The following SFI1 variants were observed in gnomAD, a reference collection of about 807,000 sequenced individuals.
SFI1 encodes protein SFI1 homolog.
SFI1 carries 195 observed loss-of-function variants against 207.5 expected under a neutral mutation model. That is an observed-to-expected ratio of 0.94 (90% confidence interval 0.84 to 1.06). The LOEUF is 1.06. SFI1 is among the 50% of genes least tolerant of loss of function. SFI1 has a pLI of 0.00. For missense variants in SFI1, 1,634 were observed against 1,588.0 expected, an observed-to-expected ratio of 1.03 and a Z score of -0.49; for synonymous variants, 630 against 598.9, an observed-to-expected ratio of 1.05 and a Z score of -0.76.
chr22:31,584,590 T>C (rs1240079118), intron 13 of SFI1, among the ~76,000 whole-genome samples: 2 of 152,198 alleles, frequency 1.3e-5, no homozygotes, highest in East Asian at 3.8e-4. Context: ...TATAATCAAC[T>C]TAATTTGCAT....
In SFI1 at chr22:31,618,453, C is replaced by G. The variant is rs755746962; in HGVS notation, c.*35C>G. ...ACCAGGAACGCAGGTGCTGGGCTGT[C>G]GGGGAGGCCTCAGGCCACCTCCAGG... On this transcript the variant is annotated 3_prime_UTR_variant, in exon 33 of 33. Coordinates refer to ENST00000400288, the MANE Select transcript of SFI1 (RefSeq NM_001007467.3). 6.7e-7 allele frequency: 1 copy of G among 1,496,020 alleles called. No individual in the cohort carries two copies. Among genetic ancestry groups the G allele is most frequent in the East Asian group, 2.4e-5 (1 of 41,408 alleles). The allele number at this position is 1,496,020 out of a possible 1,614,324, so 92.7% of individuals were successfully genotyped here.
chr22:31,613,450 G>T lies in SFI1; in HGVS notation c.2662G>T (p.Glu888Ter), dbSNP rs1301713209. The T allele has an allele frequency of 6.2e-7, 1 of 1,607,382 alleles. No homozygotes were observed. The highest frequency in any genetic ancestry group is 8.5e-7 in the Non-Finnish European group (1 of 1,179,596). Reference sequence around the variant, plus strand: ...GGCCTACCAGGGGCAGCTCCTCCAGGAGGGTGCCACGCGGCTCCTGCGCTT... The same window carrying T: ...GGCCTACCAGGGGCAGCTCCTCCAGTAGGGTGCCACGCGGCTCCTGCGCTT... The part of the protein sequence containing the change: ...LQAYQGQLLQ[E>*]GATRLLRFAA... Residue 888 changes from glutamate (E) to a stop codon, truncating the protein, a stop_gained, in exon 26 of 33, where the codon GAG becomes TAG. Coordinates refer to ENST00000400288, the MANE Select transcript of SFI1 (RefSeq NM_001007467.3). LOFTEE classifies it high-confidence loss of function.
rs1688403248 is a variant in SFI1 at position 31,618,341 on chromosome 22, G to C, written c.3652G>C (p.Glu1218Gln). Residue 1218 changes from glutamate to glutamine, a missense_variant, in exon 33 of 33, where the codon GAG becomes CAG. Transcript: ENST00000400288. ...GGAAATGCAGATCCAGCTGCTGGCA[G>C]AGGAGCTCCAGGCTCAGCGCCAGCC... ...QVEMQIQLLAEELQAQRQPIG... is the reference protein window; with the variant it reads ...QVEMQIQLLAQELQAQRQPIG... 1 of 1,609,936 alleles carries C rather than the reference G, an allele frequency of 6.2e-7. No homozygotes were observed. The highest frequency in any genetic ancestry group is 1.3e-5 in the African/African-American group (1 of 74,868).
At chr22:31,611,899 C>G in intron 24 of SFI1, 59 bp downstream of exon 24, 1 of 1,603,320 alleles carries the variant, frequency 6.2e-7, no homozygotes, top group South Asian at 1.1e-5. Context: ...GCCTGTGAGG[C>G]CTGGGCAGTG....
At position 31,528,870 on chromosome 22, in the gene SFI1, T is replaced by G. The variant is rs1569224415; in HGVS notation, c.266+7T>G. 9.3e-6 allele frequency: 15 copies of G among 1,608,490 alleles called. No individual in the cohort carries two copies. Among genetic ancestry groups the G allele is most frequent in the Non-Finnish European group, 1.3e-5 (15 of 1,176,166 alleles). On this transcript the variant is annotated splice_region_variant and intron_variant, in intron 3 of 32. Transcript: ENST00000400288. ...TAAGAGAACTGCGCATCAGGTGAGCTTATGAGTGGCCACCAGTCTATGGGT... is the reference window on the plus strand; with the variant it reads ...TAAGAGAACTGCGCATCAGGTGAGCGTATGAGTGGCCACCAGTCTATGGGT...
chr22:31,545,584 A>AATTTAATTTTATTTAATTTT (rs1412682098), intron 4 of SFI1, among the ~76,000 whole-genome samples: 74 of 144,994 alleles, frequency 5.1e-4, no homozygotes, highest in African/African-American at 1.7e-3. Context: ...AATTTAATTT[A>AATTTAATTTTATTTAATTTT]ATTTTATTTT....
chr22:31,593,018 C>T (rs2066332932), intron 15 of SFI1, among the ~76,000 whole-genome samples: 2 of 131,022 alleles, frequency 1.5e-5, no homozygotes, highest in African/African-American at 6.3e-5. Context: ...GACGGCACGG[C>T]TGGCCAGGTG....
At chr22:31,593,350 C>T (rs2066454672) in intron 15 of SFI1, among the ~76,000 whole-genome samples, 1 of 138,526 alleles carries the variant, frequency 7.2e-6, no homozygotes, top group African/African-American at 2.7e-5. Context: ...CTCCTCACAT[C>T]CCAGATGGGA....
chr22:31,604,682 G>A (rs1603325195), intron 19 of SFI1, 187 bp from the exon 20 acceptor site: 1 of 601,890 alleles, frequency 1.7e-6, no homozygotes, highest in Non-Finnish European at 3.0e-6. Flanking sequence ...GTGAGGGCCT[G>A]TGAGACAGTT....
chr22:31,579,295 C>T (rs1024671813), intron 11 of SFI1, among the ~76,000 whole-genome samples: 5 of 151,952 alleles, frequency 3.3e-5, no homozygotes, highest in African/African-American at 1.2e-4. Flanking sequence ...AGGCACATGC[C>T]ACCATGCCCA....
intron 9 of SFI1, among the ~76,000 whole-genome samples, chr22:31,574,775 G>T (rs1466986964): frequency 6.6e-6 from 1 of 152,056 alleles, no homozygotes; most frequent in Non-Finnish European, 1.5e-5. Flanking sequence ...CTTGTATTTT[G>T]GCCGGGCGCG....
chr22:31,535,185 C>CTTT (rs36035505), intron 4 of SFI1, among the ~76,000 whole-genome samples: 1 of 111,842 alleles, frequency 8.9e-6, no homozygotes, highest in Non-Finnish European at 1.9e-5. Context: ...TTTTTTATTG[C>CTTT]TTTTTTTTTT....
intron 2 of SFI1, among the ~76,000 whole-genome samples, chr22:31,517,810 A>G (rs1252898264): frequency 1.3e-5 from 2 of 152,182 alleles, no homozygotes; most frequent in East Asian, 1.9e-4. Context: ...TGTTTCTGCT[A>G]TACAAAATCG....
rs1394171027 is a variant in SFI1, at chr22:31,613,544, C to G, written c.2742+14C>G. 6.3e-7 allele frequency: 1 copy of G among 1,582,376 alleles called. No individual in the cohort carries two copies. The highest frequency in any genetic ancestry group is 1.1e-5 in the South Asian group (1 of 88,956). ...CAGCAGGTCCAGGTAGGCCCAGGGC[C>G]CCTTCCTGTGGGGAGCAGGCAGGGT... On this transcript the variant is annotated intron_variant, in intron 26 of 32. Coordinates refer to ENST00000400288, the MANE Select transcript of SFI1 (RefSeq NM_001007467.3).
intron 31 of SFI1, 90 bp downstream of exon 31, chr22:31,617,168 G>A: frequency 1.4e-6 from 2 of 1,395,264 alleles, no homozygotes; most frequent in Non-Finnish European, 2.0e-6. Context: ...CCCCGAGCCA[G>A]CTGCCAGGGT....
chr22:31,596,966 GGT>G (rs2067227949), intron 15 of SFI1, among the ~76,000 whole-genome samples: 1 of 80,610 alleles, frequency 1.2e-5, no homozygotes, highest in Non-Finnish European at 2.5e-5. Flanking sequence ...GCGCACACAC[GGT>G]ACCCGTTTCT....
At chr22:31,602,875 G>C in intron 17 of SFI1, 90 bp downstream of exon 17, 3 of 1,405,278 alleles carry the variant, frequency 2.1e-6, no homozygotes, top group Non-Finnish European at 2.9e-6. Context: ...TGCCTGTCTG[G>C]AGGACTGCAT....
intron 2 of SFI1, among the ~76,000 whole-genome samples, chr22:31,509,790 T>C (rs1015835085): frequency 1.3e-5 from 2 of 152,224 alleles, no homozygotes; most frequent in South Asian, 4.1e-4. Context: ...TCACGAGGTC[T>C]ATTGGTCTTT....
intron 24 of SFI1, 115 bp from the exon 25 acceptor site, chr22:31,613,027 A>C: frequency 7.7e-6 from 8 of 1,045,630 alleles, no homozygotes; most frequent in African/African-American, 1.6e-5. Context: ...TAGTGGAGGA[A>C]GTGGGAGCCT....
Sources: allele counts gnomAD v4.1 joint callset (sites outside exome capture counted in the v4.1 genomes callset), GRCh38; gene constraint gnomAD v4.1.1; transcripts MANE v1.5; gene names NCBI Gene and HGNC (gene_info 2026-07-23, HGNC 2026-07-21).